The following TRIM29 variants were observed in gnomAD, a reference collection of about 807,000 sequenced individuals.
TRIM29 encodes the protein tripartite motif containing 29, also known as tripartite motif-containing protein 29.
TRIM29 carries 52 observed loss-of-function variants against 57.3 expected under a neutral mutation model. That is an observed-to-expected ratio of 0.91 (90% confidence interval 0.73 to 1.14). The LOEUF (loss-of-function observed/expected upper bound fraction) is 1.14. Ranked by LOEUF, TRIM29 falls within the 50% of genes most tolerant of loss-of-function variation. The pLI is 0.00. For synonymous variants in TRIM29, 319 were observed against 316.9 expected, an observed-to-expected ratio of 1.01 and a Z score of -0.07; for missense variants, 753 against 774.6, an observed-to-expected ratio of 0.97 and a Z score of 0.33.
chr11:120,136,754 C>T (rs1863821151), intron 1 of TRIM29, among the ~76,000 whole-genome samples: 1 of 149,730 alleles, frequency 6.7e-6, no homozygotes, highest in Non-Finnish European at 1.5e-5. Context: ...GGGGCCAGTC[C>T]GACTCAGGTT....
chr11:120,122,308 C>T (rs1214522525), intron 5 of TRIM29, among the ~76,000 whole-genome samples: 1 of 152,168 alleles, frequency 6.6e-6, no homozygotes, highest in East Asian at 1.9e-4. Context: ...CTGGCACACC[C>T]ACCCTTATGT....
intron 1 of TRIM29, among the ~76,000 whole-genome samples, chr11:120,132,511 T>C (rs1184903325): frequency 6.6e-6 from 1 of 152,184 alleles, no homozygotes; most frequent in African/African-American, 2.4e-5. Flanking sequence ...AACCTTGAAA[T>C]CCTTCAGCCT....
intron 1 of TRIM29, among the ~76,000 whole-genome samples, chr11:120,133,418 G>A (rs139309185): frequency 6.6e-6 from 1 of 152,238 alleles, no homozygotes; most frequent in Non-Finnish European, 1.5e-5. Flanking sequence ...CTGGCACTCA[G>A]GTGTGTGCCA....
chr11:120,117,042 G>A (rs1402639655), intron 7 of TRIM29: 1 of 446,122 alleles, frequency 2.2e-6, no homozygotes, highest in Non-Finnish European at 4.5e-6. Context: ...GAACTGATAA[G>A]GGGTTTTCCC....
At chr11:120,130,414 C>T (rs994492646) in intron 1 of TRIM29, among the ~76,000 whole-genome samples, 3 of 152,218 alleles carry the variant, frequency 2.0e-5, no homozygotes, top group Admixed American at 2.0e-4. Context: ...GAACAAAACA[C>T]AATCCCTCCC....
chr11:120,127,366 A>G lies in TRIM29; in HGVS notation c.1104T>C (p.His368=). The change falls in exon 3 of 9, where the codon CAT becomes CAC. Residue 368 remains histidine (H), a synonymous_variant. Transcript: ENST00000341846. ...GAAACAACACAGAGTCGCTGATGCT[A>G]TGCAGCTGCTCCCGGGTCTGCTTGT... ...HEDKQTREQL[H]SISDSVLFLQ... 1 of 1,614,128 alleles carries G rather than the reference A, an allele frequency of 6.2e-7. No homozygotes were observed. The highest frequency in any genetic ancestry group is 8.5e-7 in the Non-Finnish European group (1 of 1,180,018).
intron 5 of TRIM29, chr11:120,121,548 G>A (rs972868574): frequency 6.4e-6 from 1 of 155,502 alleles, no homozygotes; most frequent in African/African-American, 2.4e-5. Context: ...GATGCCGGGG[G>A]AACCTGTTTC....
chr11:120,121,046 C>T (rs575064268), intron 5 of TRIM29: 22 of 367,228 alleles, frequency 6.0e-5, no homozygotes, highest in African/African-American at 4.6e-4. Context: ...TTCACAAGTG[C>T]TTTCCTTCCC....
intron 1 of TRIM29, chr11:120,128,728 T>G: frequency 6.5e-7 from 1 of 1,535,646 alleles, no homozygotes; most frequent in Non-Finnish European, 8.7e-7. Context: ...CTCAGGCCAC[T>G]AGGGCTGGAT....
At position 120,120,729 on chromosome 11, in the gene TRIM29, A is replaced by C. The variant is rs571096473; in HGVS notation, c.1436-64T>G. On this transcript the variant is annotated intron_variant, in intron 5 of 8. Coordinates refer to ENST00000341846, the MANE Select transcript of TRIM29 (RefSeq NM_012101.4). The stretch of plus-strand genomic sequence containing the variant: ...TGTCTCATCAGGACTCCTTGCCCCC[A>C]AAAAGTTGCCCAAGTGCCCATCACA... The C allele has an allele frequency of 7.3e-5, 111 of 1,511,770 alleles. No individual in the cohort carries two copies. In the African/African-American group the frequency reaches 9.2e-4, roughly 13 times the overall value. The allele number at this position is 1,511,770 out of a possible 1,614,324, so 93.6% of individuals were successfully genotyped here.
In TRIM29 at chr11:120,123,072, C is replaced by T. The variant is rs187778959; in HGVS notation, c.1334-17G>A. ...GGTCACCACCTAGGAAGCAGAGGGT[C>T]GGGTCAGCAGAGGAGCCAGGTGGGA... is the stretch of plus-strand genomic sequence containing the variant. On this transcript the variant is annotated splice_polypyrimidine_tract_variant and intron_variant, in intron 4 of 8. Transcript: ENST00000341846. 1.1e-4 allele frequency: 180 copies of T among 1,613,242 alleles called. No individual in the cohort carries two copies. The East Asian group carries it at 3.3e-3, about 29-fold the overall frequency.
intron 8 of TRIM29, chr11:120,113,451 T>C (rs1863188317): frequency 3.0e-6 from 1 of 330,252 alleles, no homozygotes; most frequent in African/African-American, 2.1e-5. Context: ...AGAGGATTTG[T>C]CCCTGAGCTG....
chr11:120,135,807 G>T (rs1565322005), intron 1 of TRIM29, among the ~76,000 whole-genome samples: 1 of 152,096 alleles, frequency 6.6e-6, no homozygotes, highest in Admixed American at 6.5e-5. Flanking sequence ...GGGCAGGAAG[G>T]AATCCTCTGC....
intron 7 of TRIM29, chr11:120,116,952 C>G (rs1433227667): frequency 5.0e-6 from 2 of 402,768 alleles, no homozygotes; most frequent in African/African-American, 2.1e-5. Flanking sequence ...GGAAAATGGG[C>G]AGATACCGGG....
At chr11:120,128,885 T>TCAGCCCAGCC (rs1565319714) in intron 1 of TRIM29, 2 of 1,461,986 alleles carry the variant, frequency 1.4e-6, no homozygotes, top group African/African-American at 1.4e-5. Flanking sequence ...CCAGCCCAGC[T>TCAGCCCAGCC]CAGCCCAGCC....
chr11:120,130,708 T>C (rs936737720), intron 1 of TRIM29, among the ~76,000 whole-genome samples: 3 of 152,186 alleles, frequency 2.0e-5, no homozygotes, highest in Non-Finnish European at 4.4e-5. Flanking sequence ...TGAGCAATGG[T>C]TCCCATCATC....
Position 120,137,627 on chromosome 11 carries a change from G to C in TRIM29, c.405C>G (p.Ser135=). ...GELRKSIFSE[S]RKPTVSIMEP... ...CCATGATGGACACCGTGGGCTTCCG[G>C]GACTCCGAGAAAATGGACTTGCGCA... is the stretch of plus-strand genomic sequence containing the variant. The change falls in exon 1 of 9, where the codon TCC becomes TCG. Residue 135 remains serine (S), a synonymous_variant. Transcript: ENST00000341846. This position sits in a 1 kb window ranked among gnomAD's most constrained non-coding sequence, Gnocchi z 6.2. 6.2e-7 allele frequency: 1 copy of C among 1,613,640 alleles called. No homozygotes were observed.
At chr11:120,127,660 C>T (rs1863623528) in intron 2 of TRIM29, 91 bp from the exon 3 acceptor site, 6 of 1,219,224 alleles carry the variant, frequency 4.9e-6, no homozygotes, top group Non-Finnish European at 6.8e-6. Flanking sequence ...GTTTCCAGCA[C>T]AGGATCAGGG....
At chr11:120,112,531 C>T in intron 8 of TRIM29, 55 bp from the exon 9 acceptor site, 1 of 1,592,764 alleles carries the variant, frequency 6.3e-7, no homozygotes, top group Non-Finnish European at 8.6e-7. Flanking sequence ...AGCCTGCTAG[C>T]TAGACCCACC....
Sources: gnomAD v4.1 joint callset for allele counts (sites outside exome capture counted in the v4.1 genomes callset) on GRCh38, gnomAD v4.1.1 for gene constraint, Gnocchi (gnomAD v3.1) non-coding constraint, MANE v1.5 for transcripts, NCBI Gene and HGNC (gene_info 2026-07-23, HGNC 2026-07-21) for gene names.